The following ODAD2 variants were observed in gnomAD, a reference collection of about 807,000 sequenced individuals.
The protein encoded by ODAD2 is outer dynein arm-docking complex subunit 2.
In ODAD2, 89 loss-of-function variants were observed where a neutral mutation model predicts 106.8. The observed-to-expected ratio is 0.83, with a 90% CI of 0.70 to 0.99. The LOEUF (loss-of-function observed/expected upper bound fraction) is 0.99, where lower values mean the gene tolerates loss of function less well. Ranked by LOEUF, ODAD2 falls within the 50% of genes least tolerant of loss-of-function variation. ODAD2 has a pLI of 0.00. For synonymous variants in ODAD2, 404 were observed against 436.2 expected (o/e 0.93, Z 0.92); for missense variants, 1,168 against 1,238.5 (o/e 0.94, Z 0.85).
At chr10:27,845,565 A>T (rs1838673784) in intron 19 of ODAD2, among the ~76,000 whole-genome samples, 2 of 152,224 alleles carry the variant, frequency 1.3e-5, no homozygotes, top group East Asian at 3.8e-4. Context: ...AAATTCACAC[A>T]TAGCAATATT....
chr10:27,846,159 C>T (rs1287115433), intron 19 of ODAD2, among the ~76,000 whole-genome samples: 2 of 152,150 alleles, frequency 1.3e-5, no homozygotes, highest in African/African-American at 4.8e-5. Flanking sequence ...CCAAAATTGA[C>T]CACATAGTTG....
At chr10:27,945,562 CAG>C (rs1374572380) in intron 10 of ODAD2, among the ~76,000 whole-genome samples, 22 of 152,208 alleles carry the variant, frequency 1.4e-4, no homozygotes, top group African/African-American at 4.8e-4. Context: ...TGGCTGAACG[CAG>C]AGTCTTGCAA....
chr10:27,874,846 T>C (rs1841199467), intron 17 of ODAD2, among the ~76,000 whole-genome samples: 2 of 152,178 alleles, frequency 1.3e-5, no homozygotes, highest in Admixed American at 1.3e-4. Flanking sequence ...GAGTTGCTCT[T>C]TTCGAGGAGT....
chr10:27,849,153 A>C (rs1158948664), intron 19 of ODAD2, among the ~76,000 whole-genome samples: 1 of 152,226 alleles, frequency 6.6e-6, no homozygotes, highest in Non-Finnish European at 1.5e-5. Context: ...GAACCAACCT[A>C]AATATTCATC....
chr10:27,937,291 T>G (rs555655613), intron 14 of ODAD2, among the ~76,000 whole-genome samples: 1 of 152,162 alleles, frequency 6.6e-6, no homozygotes, highest in East Asian at 1.9e-4. Context: ...CAATGGCCCC[T>G]GAAATCTAGA....
intron 16 of ODAD2, among the ~76,000 whole-genome samples, chr10:27,917,734 A>C (rs965121444): frequency 6.6e-6 from 1 of 151,932 alleles, no homozygotes; most frequent in Non-Finnish European, 1.5e-5. Flanking sequence ...TTTTGTTTGA[A>C]AAACCAATTG....
chr10:27,935,031 G>A lies in ODAD2; in HGVS notation c.2474C>T (p.Ala825Val), dbSNP rs1424945013. The A allele has an allele frequency of 6.2e-7, 1 of 1,613,762 alleles. No homozygotes were observed. The highest frequency in any genetic ancestry group is 8.5e-7 in the Non-Finnish European group (1 of 1,179,836). ...TTACATCATACTTTCAGGTTCTACT[G>A]CACAAGCACCAACTGCTTTTGTAAC... ...VNVTKAVGAC[A>V]VEPESMMIID... is the part of the protein sequence containing the mutation. Residue 825 changes from alanine (A) to valine (V), a missense_variant, in exon 16 of 20, where the codon GCA (alanine) becomes GTA (valine). Coordinates refer to ENST00000305242, the MANE Select transcript of ODAD2 (RefSeq NM_018076.5).
At chr10:27,990,465 T>C (rs772252306) in intron 2 of ODAD2, among the ~76,000 whole-genome samples, 2 of 152,246 alleles carry the variant, frequency 1.3e-5, no homozygotes, top group African/African-American at 4.8e-5. Context: ...CATGGGCCAC[T>C]GCACCCGGCC....
chr10:27,852,921 G>A (rs1235720050), intron 19 of ODAD2, among the ~76,000 whole-genome samples: 35 of 135,068 alleles, frequency 2.6e-4, no homozygotes, highest in Admixed American at 4.8e-4. Context: ...AGATCGCGCC[G>A]TTGCACTCCA....
chr10:27,888,129 T>C (rs1461677809), intron 17 of ODAD2, among the ~76,000 whole-genome samples: 1 of 152,134 alleles, frequency 6.6e-6, no homozygotes, highest in Admixed American at 6.6e-5. Context: ...AACATACAAG[T>C]ACATGTATCT....
rs531987159 is a variant in ODAD2 at position 27,987,615 on chromosome 10, T to C, written c.225-72A>G. On this transcript the variant is annotated intron_variant, in intron 2 of 19. Transcript: ENST00000305242. ...TCAGTAGAAGTTAAATTTAAGACAT[T>C]TAGACAGATTATTCCTATATCTCAT... 4.2e-5 allele frequency: 44 copies of C among 1,036,098 alleles called. No individual in the cohort carries two copies. In the East Asian group the frequency reaches 1.1e-3, roughly 26 times the overall value. 64.2% of individuals were successfully genotyped at this position (1,036,098 alleles called of 1,614,324 possible).
At chr10:27,838,354 C>A (rs1838057945) in intron 19 of ODAD2, among the ~76,000 whole-genome samples, 1 of 152,132 alleles carries the variant, frequency 6.6e-6, no homozygotes. Flanking sequence ...TGGCTTTCTG[C>A]CTTTGTGTAT....
At chr10:27,826,497 G>A (rs986787573) in intron 19 of ODAD2, among the ~76,000 whole-genome samples, 2 of 152,050 alleles carry the variant, frequency 1.3e-5, no homozygotes, top group African/African-American at 2.4e-5. Flanking sequence ...TCACTCTCAA[G>A]CATATGTCTT....
At chr10:27,966,696 T>G (rs1293549602) in intron 9 of ODAD2, among the ~76,000 whole-genome samples, 1 of 152,224 alleles carries the variant, frequency 6.6e-6, no homozygotes, top group Non-Finnish European at 1.5e-5. Context: ...ACCTTTCATT[T>G]TTATCACTGA....
At position 27,940,569 on chromosome 10, in the gene ODAD2, T is replaced by G; in HGVS notation, c.1980A>C (p.Ala660=). 6.2e-7 allele frequency: 1 copy of G among 1,614,098 alleles called. No homozygotes were observed. Among genetic ancestry groups the G allele is most frequent in the Non-Finnish European group, 8.5e-7 (1 of 1,179,968 alleles). The part of the protein sequence containing the change: ...IPVVGTLQEC[A]SEENYRAAIK... ...GCAGAACTGGCATGAGTACCTCTGA[T>G]GCACACTCTTGCAATGTCCCCACCA... The change falls in exon 13 of 20, where the codon GCA becomes GCC. Residue 660 remains alanine, a synonymous_variant. Transcript: ENST00000305242.
intron 17 of ODAD2, among the ~76,000 whole-genome samples, chr10:27,896,454 T>C (rs1842859034): frequency 6.6e-6 from 1 of 152,184 alleles, no homozygotes; most frequent in Admixed American, 6.5e-5. Context: ...TGATAGGTAA[T>C]AGATGGATGA....
intron 19 of ODAD2, among the ~76,000 whole-genome samples, chr10:27,848,225 T>G (rs986225511): frequency 8.5e-5 from 13 of 152,104 alleles, no homozygotes; most frequent in Non-Finnish European, 1.5e-4. Flanking sequence ...AAAACAGAGA[T>G]ATAGACAAAT....
intron 10 of ODAD2, among the ~76,000 whole-genome samples, chr10:27,955,538 G>A (rs1321806367): frequency 6.6e-6 from 1 of 152,056 alleles, no homozygotes; most frequent in Non-Finnish European, 1.5e-5. Flanking sequence ...TTCCACCAAT[G>A]AAACAAGGAT....
At chr10:27,814,503 A>G (rs12773654) in intron 19 of ODAD2, among the ~76,000 whole-genome samples, 107,273 of 151,830 alleles carry the variant, frequency 0.71, 39,425 homozygotes, top group Non-Finnish European at 0.82. Flanking sequence ...TGATCTTCAC[A>G]CTTCAGCCTT....
Sources: allele counts gnomAD v4.1 joint callset (sites outside exome capture counted in the v4.1 genomes callset), GRCh38; gene constraint gnomAD v4.1.1; transcripts MANE v1.5; gene names NCBI Gene and HGNC (gene_info 2026-07-23, HGNC 2026-07-21).